The following ADAMTS17 variants were observed in gnomAD, a reference collection of about 807,000 sequenced individuals.
ADAMTS17 encodes A disintegrin and metalloproteinase with thrombospondin motifs 17.
In ADAMTS17, 113 loss-of-function variants were observed where a neutral mutation model predicts 141.5. The observed-to-expected ratio is 0.80, with a 90% confidence interval of 0.69 to 0.93. ADAMTS17 has a LOEUF of 0.93. Ranked by LOEUF, ADAMTS17 falls within the 40% of genes least tolerant of loss-of-function variation. ADAMTS17 has a pLI of 0.00. For synonymous variants in ADAMTS17, 768 were observed against 630.6 expected (o/e 1.22, Z -3.27); for missense variants, 1,659 against 1,517.9 (o/e 1.09, Z -1.54).
chr15:100,272,406 TC>T (rs1596410352), intron 4 of ADAMTS17, among the ~76,000 whole-genome samples: 1 of 152,040 alleles, frequency 6.6e-6, no homozygotes, highest in African/African-American at 2.4e-5. Flanking sequence ...TAAAACTCTA[TC>T]CCTTATTTGG....
rs2032147177 is a variant in ADAMTS17 at position 100,051,569 on chromosome 15, C to T, written c.2455+3G>A. Reference sequence around the variant, plus strand: ...CAACAGGTCATGGACCACGGCCACTCACCTCCGCCGCACTGCACACTGCAC... The same window carrying T: ...CAACAGGTCATGGACCACGGCCACTTACCTCCGCCGCACTGCACACTGCAC... On this transcript the variant is annotated splice_donor_region_variant and intron_variant, in intron 17 of 21. Transcript: ENST00000268070. 1.9e-6 allele frequency: 3 copies of T among 1,613,306 alleles called. No homozygotes were observed. The highest frequency in any genetic ancestry group is 1.3e-5 in the African/African-American group (1 of 75,024).
intron 12 of ADAMTS17, chr15:100,128,609 CCTG>C (rs1196354418): frequency 6.6e-6 from 1 of 152,120 alleles, no homozygotes; most frequent in Non-Finnish European, 1.5e-5. Flanking sequence ...AGAGGGAGGA[CCTG>C]ATGAAGAAGA....
chr15:100,082,737 T>C lies in ADAMTS17; in HGVS notation c.2137+13619A>G, dbSNP rs548260380. On this transcript the variant is annotated intron_variant, in intron 15 of 21. Transcript: ENST00000268070. ...CTACAAATAGTTATTAGAGAACTTA[T>C]ATTATTTGAGTTACTTTTTCTCGTT... is the stretch of plus-strand genomic sequence containing the variant. 3.3e-5 allele frequency among the ~76,000 whole-genome samples: 5 copies of C among 151,734 alleles called. No homozygotes were observed. The South Asian group carries it at 8.3e-4, about 25-fold the overall frequency.
At chr15:100,168,608 A>C (rs112072637) in intron 8 of ADAMTS17, 1 of 152,230 alleles carries the variant, frequency 6.6e-6, no homozygotes, top group African/African-American at 2.4e-5. Context: ...TGCTGCTAAC[A>C]GTGCGTAGCA....
chr15:100,294,493 G>C (rs528997249), intron 3 of ADAMTS17, among the ~76,000 whole-genome samples: 1 of 152,126 alleles, frequency 6.6e-6, no homozygotes, highest in African/African-American at 2.4e-5. Context: ...CCAGAGCTAT[G>C]TGAGGCCAAG....
Position 100,169,660 on chromosome 15 carries a change from G to C in ADAMTS17, c.1182-14340C>G, listed in dbSNP as rs1459625111. ...CACACTCAATCGAGAGCAAAGAACC[G>C]GCACCTGCTAAGCTGTGCGGAAGTG... On this transcript the variant is annotated intron_variant, in intron 8 of 21. Transcript: ENST00000268070. Among the ~76,000 whole-genome samples the C allele has an allele frequency of 5.3e-5, 8 of 152,156 alleles. No homozygotes were observed. The East Asian group carries it at 1.5e-3, about 29-fold the overall frequency.
At chr15:100,043,783 A>C (rs141239230) in intron 18 of ADAMTS17, among the ~76,000 whole-genome samples, 2 of 152,356 alleles carry the variant, frequency 1.3e-5, no homozygotes, top group African/African-American at 4.8e-5. Context: ...GATACTAAGA[A>C]CTTGCTTCTG....
chr15:100,055,947 A>G (rs1552097), intron 15 of ADAMTS17, among the ~76,000 whole-genome samples: 16,786 of 152,172 alleles, frequency 0.11, 2,915 homozygotes, highest in African/African-American at 0.37. Flanking sequence ...ACCTGAATCC[A>G]ACAGACCAAC....
chr15:100,257,287 G>T (rs1003354117), intron 6 of ADAMTS17, among the ~76,000 whole-genome samples: 1 of 152,182 alleles, frequency 6.6e-6, no homozygotes, highest in Non-Finnish European at 1.5e-5. Flanking sequence ...CCAACCTAGG[G>T]AATTGCAGCT....
intron 8 of ADAMTS17, among the ~76,000 whole-genome samples, chr15:100,181,426 C>T (rs2040521190): frequency 6.6e-6 from 1 of 152,172 alleles, no homozygotes; most frequent in Non-Finnish European, 1.5e-5. Flanking sequence ...CTGGGTCTCA[C>T]CTGAAGCCAC....
intron 13 of ADAMTS17, among the ~76,000 whole-genome samples, chr15:100,116,132 TAAAAAAAAAAAAAAA>T (rs34003703): frequency 3.5e-5 from 3 of 84,782 alleles, no homozygotes; most frequent in Non-Finnish European, 6.8e-5. Context: ...CAGTTTTAGG[TAAAAAAAAAAAAAAA>T]AAAAAAAAAA....
At chr15:99,996,096 C>T (rs1343375938) in intron 19 of ADAMTS17, among the ~76,000 whole-genome samples, 1 of 150,912 alleles carries the variant, frequency 6.6e-6, no homozygotes, top group Non-Finnish European at 1.5e-5. Context: ...CTCTTGTTGC[C>T]CAGGCTGAAG....
intron 7 of ADAMTS17, among the ~76,000 whole-genome samples, chr15:100,228,873 G>C (rs1414251599): frequency 6.6e-6 from 1 of 152,188 alleles, no homozygotes; most frequent in Non-Finnish European, 1.5e-5. Flanking sequence ...CCCTGTGGTG[G>C]GCTCACCACC....
intron 18 of ADAMTS17, among the ~76,000 whole-genome samples, chr15:99,998,840 A>G (rs1183382123): frequency 1.3e-5 from 2 of 152,106 alleles, no homozygotes; most frequent in Non-Finnish European, 1.5e-5. Flanking sequence ...CCTGCCTCAT[A>G]AACTCCTCGC....
intron 3 of ADAMTS17, among the ~76,000 whole-genome samples, chr15:100,301,339 A>ATTT (rs57671360): frequency 2.6e-4 from 39 of 150,866 alleles, no homozygotes; most frequent in African/African-American, 6.1e-4. Context: ...ATATATATAT[A>ATTT]TTTTTCTGAG....
At position 100,096,410 on chromosome 15, in the gene ADAMTS17, C is replaced by T; in HGVS notation, c.2083G>A (p.Asp695Asn). The T allele has an allele frequency of 6.2e-7, 1 of 1,614,138 alleles. No homozygotes were observed. Among genetic ancestry groups the T allele is most frequent in the Non-Finnish European group, 8.5e-7 (1 of 1,180,012 alleles). Residue 695 changes from aspartate (D) to asparagine (N), a missense_variant, in exon 15 of 22, where the codon GAC becomes AAC. By Grantham distance (23) the Asp-to-Asn change is conservative. Coordinates refer to ENST00000268070, the MANE Select transcript of ADAMTS17 (RefSeq NM_139057.4). ...TTCACCAAGTGGCAGGTCTTGCCGTCCCCGCTGCAGACCCCGCATCTGTCC... is the reference window on the plus strand; with the variant it reads ...TTCACCAAGTGGCAGGTCTTGCCGTTCCCGCTGCAGACCCCGCATCTGTCC... ...KEDRCGVCSG[D>N]GKTCHLVKGD...
At chr15:100,296,991 A>T (rs899071336) in intron 3 of ADAMTS17, among the ~76,000 whole-genome samples, 1 of 152,242 alleles carries the variant, frequency 6.6e-6, no homozygotes, top group African/African-American at 2.4e-5. Context: ...ACTATCAAGA[A>T]AGAGTGGACA....
In ADAMTS17 at chr15:100,132,165, G is replaced by C; in HGVS notation, c.1576-13C>G. On this transcript the variant is annotated splice_polypyrimidine_tract_variant and intron_variant, in intron 11 of 21. Transcript: ENST00000268070. Reference sequence around the variant, plus strand: ...CCGCGCGGCACCACTGAAACACAGCGGGGAGGGTCGGGGCCCAGGCACTCA... The same window carrying C: ...CCGCGCGGCACCACTGAAACACAGCCGGGAGGGTCGGGGCCCAGGCACTCA... 1 of 1,611,632 alleles carries C rather than the reference G, an allele frequency of 6.2e-7. No individual in the cohort carries two copies. Among genetic ancestry groups the C allele is most frequent in the Non-Finnish European group, 8.5e-7 (1 of 1,179,450 alleles).
Position 100,186,726 on chromosome 15 carries a change from C to T in ADAMTS17, c.1181+12592G>A, listed in dbSNP as rs534121040. ...CTCACAGTTCTCCATATTTCCCCAT[C>T]AGGAGGGCTGAGAGTTTTGCAGAAA... is the stretch of plus-strand genomic sequence containing the variant. On this transcript the variant is annotated intron_variant, in intron 8 of 21. Transcript: ENST00000268070. Among the ~76,000 whole-genome samples, 6 of 152,350 alleles carry T rather than the reference C, an allele frequency of 3.9e-5. No individual in the cohort carries two copies. In the South Asian group the frequency reaches 1.0e-3, roughly 26 times the overall value.
Sources: gnomAD v4.1 joint callset for allele counts (sites outside exome capture counted in the v4.1 genomes callset) on GRCh38, gnomAD v4.1.1 for gene constraint, MANE v1.5 for transcripts, NCBI Gene and HGNC (gene_info 2026-07-23, HGNC 2026-07-21) for gene names.